The following KCNMA1 variants were observed in gnomAD, a reference collection of about 807,000 sequenced individuals.
KCNMA1 encodes potassium calcium-activated channel subfamily M alpha 1.
KCNMA1 carries 29 observed loss-of-function variants against 140.0 expected under a neutral mutation model. The ratio of observed to expected loss-of-function variants is 0.21; its 90% CI spans 0.15 to 0.28. The LOEUF is 0.28. Among genes scored for constraint, KCNMA1 ranks in the 10% least tolerant of loss-of-function variants. The pLI is 1.00. For synonymous variants in KCNMA1, 612 were observed against 611.9 expected, an observed-to-expected ratio of 1.00 and a Z score of 0.00; for missense variants, 880 against 1,602.2, an observed-to-expected ratio of 0.55 and a Z score of 7.70.
At chr10:77,244,612 A>G (rs1202579346) in intron 3 of KCNMA1, among the ~76,000 whole-genome samples, 1 of 152,192 alleles carries the variant, frequency 6.6e-6, no homozygotes, top group African/African-American at 2.4e-5. Context: ...AAATCTACCT[A>G]TATGGAGACA....
intron 9 of KCNMA1, among the ~76,000 whole-genome samples, chr10:77,100,906 G>A (rs1215839848): frequency 1.3e-5 from 2 of 151,640 alleles, no homozygotes; most frequent in African/African-American, 4.9e-5. Flanking sequence ...GCTTGAATAC[G>A]ACTTTTTTTT....
rs1359489589 is a variant in KCNMA1, at chr10:77,570,220, AG to A, written c.378+67044del. ...TAGAACTAGAAATACCATTTGACCCAGCCATCCCATTACTGGGTATATACCC... is the reference window on the plus strand; with the variant it reads ...TAGAACTAGAAATACCATTTGACCCACCATCCCATTACTGGGTATATACCC... On this transcript the variant is annotated intron_variant, in intron 1 of 27. Transcript: ENST00000286628. Among the ~76,000 whole-genome samples, 222 of 149,508 alleles carry A rather than the reference AG, an allele frequency of 1.5e-3. 2 individuals are homozygous for A. The South Asian group carries it at 0.023, about 15-fold the overall frequency.
chr10:77,060,401 C>A (rs777778985), intron 14 of KCNMA1, among the ~76,000 whole-genome samples: 9 of 152,126 alleles, frequency 5.9e-5, no homozygotes, highest in African/African-American at 7.2e-5. Context: ...TCCTTTCATC[C>A]TTCCATATTC....
At chr10:76,969,069 TAG>T (rs1210818718) in intron 20 of KCNMA1, among the ~76,000 whole-genome samples, 1 of 151,864 alleles carries the variant, frequency 6.6e-6, no homozygotes, top group Non-Finnish European at 1.5e-5. Context: ...ATTTGGGTGG[TAG>T]AGAGTCAGGA....
At chr10:77,452,521 T>C (rs755223326) in intron 1 of KCNMA1, among the ~76,000 whole-genome samples, 1 of 152,258 alleles carries the variant, frequency 6.6e-6, no homozygotes, top group Non-Finnish European at 1.5e-5. Flanking sequence ...GCTACTGGGA[T>C]AGTAATTATA....
chr10:77,587,623 T>C (rs746990869), intron 1 of KCNMA1: 6 of 785,132 alleles, frequency 7.6e-6, no homozygotes, highest in Non-Finnish European at 9.3e-6. Flanking sequence ...GTGTCTGGGC[T>C]GCGGGCCCCT....
rs550181119 is a variant in KCNMA1, at chr10:77,219,659, G to A, written c.602+31536C>T. Among the ~76,000 whole-genome samples, 105 of 152,180 alleles carry A rather than the reference G, an allele frequency of 6.9e-4. 1 individual carries two copies. Among genetic ancestry groups the A allele is most frequent in the Middle Eastern group, 3.4e-3 (1 of 292 alleles). On this transcript the variant is annotated intron_variant, in intron 3 of 27. Transcript: ENST00000286628. ...TTTTGAGATGGAGTTTTGCTCTGTC[G>A]CCCAGGCTGGAGTGCAGTGGCGCGA...
intron 25 of KCNMA1, among the ~76,000 whole-genome samples, chr10:76,907,704 A>C (rs974655267): frequency 1.1e-4 from 16 of 152,028 alleles, no homozygotes; most frequent in Admixed American, 2.0e-4. Context: ...ACACCCAGCT[A>C]ATTTTTTTAT....
chr10:77,362,013 C>T (rs1331622189), intron 2 of KCNMA1, among the ~76,000 whole-genome samples: 1 of 152,194 alleles, frequency 6.6e-6, no homozygotes, highest in African/African-American at 2.4e-5. Flanking sequence ...CCATGCCAGG[C>T]CCAGGGTCTC....
intron 1 of KCNMA1, among the ~76,000 whole-genome samples, chr10:77,475,811 T>A (rs1475318442): frequency 6.6e-6 from 1 of 152,094 alleles, no homozygotes; most frequent in Non-Finnish European, 1.5e-5. Flanking sequence ...CCCTTGGCAA[T>A]CACAGATCTG....
intron 3 of KCNMA1, among the ~76,000 whole-genome samples, chr10:77,216,121 C>T (rs1419256526): frequency 2.6e-5 from 4 of 152,126 alleles, no homozygotes; most frequent in Non-Finnish European, 5.9e-5. Context: ...TATGAAATGT[C>T]TAGAACAGGC....
intron 23 of KCNMA1, among the ~76,000 whole-genome samples, chr10:76,917,114 G>A (rs2053267495): frequency 6.6e-6 from 1 of 152,182 alleles, no homozygotes; most frequent in African/African-American, 2.4e-5. Flanking sequence ...CTAGGATGGT[G>A]AAGGGGAAAA....
intron 20 of KCNMA1, among the ~76,000 whole-genome samples, chr10:76,954,841 G>A (rs2067590912): frequency 1.3e-5 from 2 of 152,210 alleles, no homozygotes; most frequent in African/African-American, 4.8e-5. Flanking sequence ...TGGGTTGGCA[G>A]AGCCTCACTG....
rs1025866532 is a variant in KCNMA1, at chr10:76,886,272, C to G, written c.*994G>C. 3.0e-6 allele frequency: 3 copies of G among 985,160 alleles called. No homozygotes were observed. In the African/African-American group the frequency reaches 5.2e-5, roughly 17 times the overall value. The allele number at this position is 985,160 out of a possible 1,614,324, so 61.0% of individuals were successfully genotyped here. A position where few individuals can be genotyped will look rare whatever the true frequency, so the allele number is the denominator to read the frequency against. On this transcript the variant is annotated 3_prime_UTR_variant, in exon 28 of 28. Transcript: ENST00000286628. ...GGAGTAAAAAGATCCCCTGAGAATG[C>G]ATGGAAAAATACTTGCTCTTTCCTG...
intron 2 of KCNMA1, among the ~76,000 whole-genome samples, chr10:77,385,139 G>A (rs763171641): frequency 1.3e-5 from 2 of 152,168 alleles, no homozygotes; most frequent in African/African-American, 4.8e-5. Context: ...TTACCCAACA[G>A]AGAGCCTGGT....
At chr10:76,946,558 G>A (rs1351218715) in intron 22 of KCNMA1, among the ~76,000 whole-genome samples, 1 of 152,142 alleles carries the variant, frequency 6.6e-6, no homozygotes, top group Non-Finnish European at 1.5e-5. Context: ...TGGAGGAAGG[G>A]GCATTTAGCA....
At chr10:77,162,597 G>C (rs2098573900) in intron 5 of KCNMA1, among the ~76,000 whole-genome samples, 1 of 152,154 alleles carries the variant, frequency 6.6e-6, no homozygotes, top group African/African-American at 2.4e-5. Context: ...CGAGCCAAAA[G>C]GAAGGAGCTG....
intron 2 of KCNMA1, among the ~76,000 whole-genome samples, chr10:77,384,063 G>T (rs967920749): frequency 3.9e-5 from 6 of 152,220 alleles, no homozygotes; most frequent in African/African-American, 1.4e-4. Flanking sequence ...ACCCTAGATG[G>T]TGTCTGACTC....
chr10:77,502,133 C>G (rs1228495393), intron 1 of KCNMA1, among the ~76,000 whole-genome samples: 1 of 152,180 alleles, frequency 6.6e-6, no homozygotes, highest in African/African-American at 2.4e-5. Flanking sequence ...AAACTGCCTT[C>G]TACCACATTG....
Sources: allele counts gnomAD v4.1 joint callset (sites outside exome capture counted in the v4.1 genomes callset), GRCh38; gene constraint gnomAD v4.1.1; transcripts MANE v1.5; gene names NCBI Gene and HGNC (gene_info 2026-07-23, HGNC 2026-07-21).